IGFN1: variants seen among roughly 807,000 people sequenced by gnomAD.
The protein encoded by IGFN1 is immunoglobulin-like and fibronectin type III domain-containing protein 1.
A neutral mutation model predicts 289.5 loss-of-function variants in IGFN1; 253 were observed. The ratio of observed to expected loss-of-function variants is 0.87; its 90% CI spans 0.79 to 0.97. The LOEUF (loss-of-function observed/expected upper bound fraction) is 0.97, where lower values mean the gene tolerates loss of function less well. Among genes scored for constraint, IGFN1 ranks in the 50% least tolerant of loss-of-function variants. The pLI is 0.00. For missense variants in IGFN1, 4,470 were observed against 4,686.1 expected (o/e 0.95, Z 1.35); for synonymous variants, 1,706 against 1,788.5 (o/e 0.95, Z 1.16).
At position 201,203,921 on chromosome 1, in the gene IGFN1, C is replaced by T. The variant is rs1667276293; in HGVS notation, c.916+15C>T. On this transcript the variant is annotated intron_variant, in intron 10 of 23. Transcript: ENST00000335211. Reference sequence around the variant, plus strand: ...GGAGGCCAGTGGTGAGTGGTCTACACTGCCGAAGTTGGAGTTGGGGAGATA... The same window carrying T: ...GGAGGCCAGTGGTGAGTGGTCTACATTGCCGAAGTTGGAGTTGGGGAGATA... The T allele has an allele frequency of 4.5e-6, 7 of 1,544,296 alleles. No individual in the cohort carries two copies. Among genetic ancestry groups the T allele is most frequent in the Non-Finnish European group, 5.3e-6 (6 of 1,142,444 alleles).
At position 201,199,429 on chromosome 1, in the gene IGFN1, C is replaced by T. The variant is rs973916877; in HGVS notation, c.412+51C>T. The T allele has an allele frequency of 2.4e-5, 37 of 1,522,680 alleles. No individual in the cohort carries two copies. In the Admixed American group the frequency reaches 6.9e-4, roughly 28 times the overall value. The allele number at this position is 1,522,680 out of a possible 1,614,324, so 94.3% of individuals were successfully genotyped here. A position where few individuals can be genotyped will look rare whatever the true frequency, so the allele number is the denominator to read the frequency against. ...TTGGGGGCCTGTGGGGGATAGGCTA[C>T]TCCTTTCCTGGTGTTCCCTGCCTGG... On this transcript the variant is annotated intron_variant, in intron 6 of 23. Coordinates refer to ENST00000335211, the MANE Select transcript of IGFN1 (RefSeq NM_001164586.2).
In IGFN1 at chr1:201,221,681, T is replaced by C; in HGVS notation, c.10136T>C (p.Val3379Ala). The C allele has an allele frequency of 1.2e-6, 2 of 1,613,850 alleles. No individual in the cohort carries two copies. The highest frequency in any genetic ancestry group is 1.7e-6 in the Non-Finnish European group (2 of 1,179,866). Residue 3379 changes from valine (V) to alanine (A), a missense_variant, in exon 19 of 24, where the codon GTT becomes GCT. Val to Ala is a moderately conservative substitution (Grantham distance 64, BLOSUM62 0). This residue lies in a region of IGFN1 where 2,218 missense variants were observed against 2,114.1 expected (regional missense o/e 1.05). Coordinates refer to ENST00000335211, the MANE Select transcript of IGFN1 (RefSeq NM_001164586.2). Reference protein sequence around the residue: ...GEGYFVRVTAVNEGGQSQPSA... With the variant: ...GEGYFVRVTAANEGGQSQPSA... ...GGCTACTTCGTGCGGGTGACAGCAG[T>C]TAATGAAGGAGGCCAGAGCCAGCCC...
chr1:201,201,861 G>A, intron 9 of IGFN1, 29 bp downstream of exon 9: 1 of 941,060 alleles, frequency 1.1e-6, no homozygotes, highest in Non-Finnish European at 1.7e-6. Flanking sequence ...TGGGTGGGGG[G>A]GATCTGGCAG....
In IGFN1 at chr1:201,213,290, G is replaced by A. The variant is rs759825770; in HGVS notation, c.8397G>A (p.Gly2799=). 17 of 1,561,412 alleles carry A rather than the reference G, an allele frequency of 1.1e-5. No individual in the cohort carries two copies. In the African/African-American group the frequency reaches 2.2e-4, roughly 20 times the overall value. The change falls in exon 12 of 24, where the codon GGG becomes GGA. Residue 2799 remains glycine, a synonymous_variant. Transcript: ENST00000335211. The part of the protein sequence containing the change: ...QGPGALKEDE[G]QGVEEAGRSG... The stretch of plus-strand genomic sequence containing the variant: ...CTGGGGCCCTAAAGGAGGATGAAGG[G>A]CAGGGAGTGGAAGAGGCTGGGAGGT...
At chr1:201,226,184 G>A in intron 22 of IGFN1, 61 bp downstream of exon 22, 1 of 1,471,064 alleles carries the variant, frequency 6.8e-7, no homozygotes, top group Non-Finnish European at 9.0e-7. Context: ...CAATGCAGTG[G>A]GATGCACCCA....
At position 201,228,544 on chromosome 1, in the gene IGFN1, C is replaced by G. The variant is rs1364433532; in HGVS notation, c.*145C>G. ...GAGAAGATGCCTGGCGAGGTTTTGG[C>G]CAGGAGGACGTGAAGTCCTTGGGGA... On this transcript the variant is annotated 3_prime_UTR_variant, in exon 24 of 24. Transcript: ENST00000335211. 3.4e-6 allele frequency: 3 copies of G among 872,928 alleles called. No homozygotes were observed. Among genetic ancestry groups the G allele is most frequent in the Non-Finnish European group, 3.9e-6 (2 of 519,358 alleles). 54.1% of individuals were successfully genotyped at this position (872,928 alleles called of 1,614,324 possible).
rs890775050 is a variant in IGFN1 at position 201,205,124 on chromosome 1, G to C, written c.959G>C (p.Cys320Ser). 1.9e-6 allele frequency: 3 copies of C among 1,550,676 alleles called. No individual in the cohort carries two copies. The highest frequency in any genetic ancestry group is 2.6e-6 in the Non-Finnish European group (3 of 1,146,884). The part of the protein sequence containing the change: ...RVVVPLAETH[C>S]EEQGDAVFEC... ...GTGGTCCCACTGGCGGAGACCCACT[G>C]TGAGGAGCAGGGTGACGCAGTCTTT... The change falls in exon 11 of 24, where the codon TGT (cysteine) becomes TCT (serine). Residue 320 changes from cysteine to serine, a missense_variant. This residue lies in a region of IGFN1 where 2,011 missense variants were observed against 1,953.4 expected (regional missense o/e 1.03). Coordinates refer to ENST00000335211, the MANE Select transcript of IGFN1 (RefSeq NM_001164586.2).
Position 201,207,569 on chromosome 1 carries a change from G to A in IGFN1, c.2676G>A (p.Arg892=). The change falls in exon 12 of 24, where the codon AGG becomes AGA. Residue 892 remains arginine (R), a synonymous_variant. Coordinates refer to ENST00000335211, the MANE Select transcript of IGFN1 (RefSeq NM_001164586.2). The part of the protein sequence containing the change: ...GVDARSHWLS[R]APGLGAQGSG... ...ATGCCAGAAGCCACTGGCTAAGTAG[G>A]GCTCCAGGCCTGGGTGCTCAGGGAT... 2 of 1,536,970 alleles carry A rather than the reference G, an allele frequency of 1.3e-6. No individual in the cohort carries two copies. Among genetic ancestry groups the A allele is most frequent in the East Asian group, 2.4e-5 (1 of 40,918 alleles).
At chr1:201,192,155 CGCTAGGGTGCAGCG>C (rs527781514) in intron 1 of IGFN1, among the ~76,000 whole-genome samples, 109 of 152,340 alleles carry the variant, frequency 7.2e-4, no homozygotes, top group African/African-American at 2.6e-3. Flanking sequence ...CATTCCAGCA[CGCTAGGGTGCAGCG>C]GCTGGGCTGG....
intron 6 of IGFN1, 81 bp downstream of exon 6, chr1:201,199,459 G>A: frequency 6.9e-7 from 1 of 1,459,718 alleles, no homozygotes; most frequent in Non-Finnish European, 9.4e-7. Flanking sequence ...GCCTGGTTGA[G>A]CTACCATGAA....
chr1:201,195,451 C>G (rs934480278), intron 3 of IGFN1, among the ~76,000 whole-genome samples: 3 of 152,170 alleles, frequency 2.0e-5, no homozygotes, highest in African/African-American at 4.8e-5. Flanking sequence ...TGCGCCTGCC[C>G]GGAACTCACA....
chr1:201,216,666 A>G lies in IGFN1; in HGVS notation c.9508A>G (p.Arg3170Gly), dbSNP rs1373802862. The change falls in exon 16 of 24, where the codon AGG becomes GGG. Residue 3170 changes from arginine (R) to glycine (G), a missense_variant. Transcript: ENST00000335211. ...CACGGATGCCCATGTGGAGCCAGGC[A>G]GGAAGTATACCTTCCGAGTGCGGGC... ...TFTDAHVEPG[R>G]KYTFRVRAVT... 1.1e-5 allele frequency: 17 copies of G among 1,613,952 alleles called. No homozygotes were observed. Among genetic ancestry groups the G allele is most frequent in the Non-Finnish European group, 1.4e-5 (17 of 1,179,986 alleles).
In IGFN1 at chr1:201,218,569, A is replaced by G. The variant is rs1368223767; in HGVS notation, c.9809A>G (p.Gln3270Arg). ...GTGGCGGACGTGCGGCAGGGCTGTC[A>G]GTATGAGTTCCGGGTCACAGCTGTG... is the stretch of plus-strand genomic sequence containing the variant. ...WTVADVRQGC[Q>R]YEFRVTAVAP... The change falls in exon 18 of 24, where the codon CAG (glutamine) becomes CGG (arginine). Residue 3270 changes from glutamine to arginine, a missense_variant. Gln to Arg is a conservative substitution (Grantham distance 43). Around this residue, in one of 8 missense-constraint regions of IGFN1, gnomAD observed 2,218 missense variants for 2,114.1 expected, o/e 1.05. Coordinates refer to ENST00000335211, the MANE Select transcript of IGFN1 (RefSeq NM_001164586.2). The G allele has an allele frequency of 1.9e-6, 3 of 1,613,648 alleles. No homozygotes were observed. Among genetic ancestry groups the G allele is most frequent in the Non-Finnish European group, 1.7e-6 (2 of 1,179,986 alleles).
At chr1:201,193,663 G>A (rs564613976) in intron 2 of IGFN1, among the ~76,000 whole-genome samples, 1 of 152,156 alleles carries the variant, frequency 6.6e-6, no homozygotes, top group Non-Finnish European at 1.5e-5. Flanking sequence ...TGTTGGTCAG[G>A]CTGGTCTCGA....
At chr1:201,198,255 C>G (rs1666996705) in intron 5 of IGFN1, among the ~76,000 whole-genome samples, 1 of 152,222 alleles carries the variant, frequency 6.6e-6, no homozygotes, top group Non-Finnish European at 1.5e-5. Context: ...CCTGCCTCAG[C>G]CTCCTGAGTA....
chr1:201,199,034 C>T (rs1667033641), intron 5 of IGFN1, among the ~76,000 whole-genome samples: 1 of 152,208 alleles, frequency 6.6e-6, no homozygotes, highest in African/African-American at 2.4e-5. Context: ...CCAGTGTCTG[C>T]TTCACGCATT....
At chr1:201,193,976 G>C (rs940435721) in intron 2 of IGFN1, among the ~76,000 whole-genome samples, 178 bp from the exon 3 acceptor site, 9 of 152,114 alleles carry the variant, frequency 5.9e-5, no homozygotes, top group African/African-American at 1.9e-4. Context: ...ATTCCCACTA[G>C]AGAATTCAAA....
rs1310468610 is a variant in IGFN1, at chr1:201,196,109, C to A, written c.267+131C>A. On this transcript the variant is annotated intron_variant, in intron 4 of 23. Coordinates refer to ENST00000335211, the MANE Select transcript of IGFN1 (RefSeq NM_001164586.2). ...TCGTTGAGGTTGAATCCATTCAACTCCATCTCGTGACTCAAAGTTGCCTGA... is the reference window on the plus strand; with the variant it reads ...TCGTTGAGGTTGAATCCATTCAACTACATCTCGTGACTCAAAGTTGCCTGA... 3.9e-5 allele frequency: 36 copies of A among 923,312 alleles called. 1 individual carries two copies. In the South Asian group the frequency reaches 7.1e-4, roughly 18 times the overall value. The allele number at this position is 923,312 out of a possible 1,614,324, so 57.2% of individuals were successfully genotyped here. A position where few individuals can be genotyped will look rare whatever the true frequency, so the allele number is the denominator to read the frequency against.
intron 23 of IGFN1, 109 bp from the exon 24 acceptor site, chr1:201,228,277 T>C: frequency 3.6e-6 from 4 of 1,123,922 alleles, no homozygotes; most frequent in Non-Finnish European, 4.1e-6. Context: ...CACCCCCTGA[T>C]GGCAGAGCCT....
Sources: allele counts gnomAD v4.1 joint callset (sites outside exome capture counted in the v4.1 genomes callset), GRCh38; gene constraint gnomAD v4.1.1; regional missense constraint gnomAD v4.1.1; transcripts MANE v1.5; gene names NCBI Gene and HGNC (gene_info 2026-07-23, HGNC 2026-07-21).